The following SRGAP3 variants were observed in gnomAD, a reference collection of about 807,000 sequenced individuals.
The protein encoded by SRGAP3 is SLIT-ROBO Rho GTPase activating protein 3, also known as SLIT-ROBO Rho GTPase-activating protein 3.
SRGAP3 carries 39 observed loss-of-function variants against 121.1 expected under a neutral mutation model. That is an observed-to-expected ratio of 0.32 (90% CI 0.25 to 0.42). The LOEUF (loss-of-function observed/expected upper bound fraction) is 0.42. SRGAP3 is among the 10% of genes least tolerant of loss of function. The pLI, the probability that SRGAP3 is intolerant of heterozygous loss-of-function variation, is 1.00. For missense variants in SRGAP3, 1,213 were observed against 1,470.6 expected, an observed-to-expected ratio of 0.82 and a Z score of 2.86; for synonymous variants, 601 against 570.0, an observed-to-expected ratio of 1.05 and a Z score of -0.77.
chr3:9,143,053 T>C (rs1482549840), intron 1 of SRGAP3, among the ~76,000 whole-genome samples: 1 of 152,014 alleles, frequency 6.6e-6, no homozygotes, highest in East Asian at 1.9e-4. Context: ...TGGCCCAGGC[T>C]GGTCGAGAAC....
chr3:9,360,449 G>T lies in SRGAP3; in HGVS notation n.214+2391C>A, dbSNP rs941118544. On this transcript the variant is annotated intron_variant and non_coding_transcript_variant, in intron 1 of 3. Transcript: ENST00000490889. The stretch of plus-strand genomic sequence containing the variant: ...AGAAAGCATCTGTAGTGGAATTGGT[G>T]AGTAATGTGTTCTATGTTTAATTTT... Among the ~76,000 whole-genome samples, 19 of 152,330 alleles carry T rather than the reference G, an allele frequency of 1.2e-4. No homozygotes were observed. The East Asian group carries it at 1.3e-3, about 11-fold the overall frequency.
At chr3:9,085,752 C>T (rs1477497863) in intron 3 of SRGAP3, among the ~76,000 whole-genome samples, 3 of 152,100 alleles carry the variant, frequency 2.0e-5, no homozygotes, top group Non-Finnish European at 4.4e-5. Flanking sequence ...TAAGTGGGAG[C>T]TAAATAATGA....
At chr3:9,048,458 G>A (rs567552775) in intron 9 of SRGAP3, among the ~76,000 whole-genome samples, 2 of 152,344 alleles carry the variant, frequency 1.3e-5, no homozygotes, top group Non-Finnish European at 2.9e-5. Flanking sequence ...GCTGGGGAGG[G>A]AGACAATAAA....
intron 4 of SRGAP3, among the ~76,000 whole-genome samples, chr3:9,067,831 T>A (rs2125222635): frequency 6.6e-6 from 1 of 152,016 alleles, no homozygotes; most frequent in East Asian, 1.9e-4. Context: ...GTCCATTGAG[T>A]TATTTGGATA....
At chr3:9,121,328 C>A (rs187312271) in intron 2 of SRGAP3, among the ~76,000 whole-genome samples, 12 of 152,168 alleles carry the variant, frequency 7.9e-5, no homozygotes, top group African/African-American at 2.2e-4. Context: ...AGAATCTTTA[C>A]GACGGTGAGA....
At chr3:8,992,533 C>A in intron 20 of SRGAP3, 1 of 397,166 alleles carries the variant, frequency 2.5e-6, no homozygotes, top group Non-Finnish European at 4.7e-6. Context: ...AATATGTGAG[C>A]TTTACATTTT....
chr3:9,191,122 G>C (rs1951740275), intron 1 of SRGAP3, among the ~76,000 whole-genome samples: 1 of 152,166 alleles, frequency 6.6e-6, no homozygotes, highest in African/African-American at 2.4e-5. Flanking sequence ...CAAGTCTCTG[G>C]AGACTGGGAG....
intron 18 of SRGAP3, among the ~76,000 whole-genome samples, chr3:8,996,394 T>C (rs182621836): frequency 9.0e-4 from 137 of 152,314 alleles, no homozygotes; most frequent in Admixed American, 7.8e-3. Flanking sequence ...AAGAAGACCA[T>C]GCTTGTGTCC....
At chr3:9,324,590 G>A (rs1409864821) in intron 3 of SRGAP3, among the ~76,000 whole-genome samples, 1 of 151,800 alleles carries the variant, frequency 6.6e-6, no homozygotes, top group Non-Finnish European at 1.5e-5. Context: ...ATTTTAGTTT[G>A]GTTTCGTTTG....
chr3:9,282,544 G>A (rs1050386415), intron 3 of SRGAP3, among the ~76,000 whole-genome samples: 6 of 152,100 alleles, frequency 3.9e-5, no homozygotes, highest in African/African-American at 1.4e-4. Flanking sequence ...AGGCTGGAGT[G>A]CAGTGGTGAG....
rs750191179 is a variant in SRGAP3 at position 8,992,950 on chromosome 3, G to A, written c.2514C>T (p.Pro838=). ...AGCCGTAATCCGAGATGTGCTCCGT[G>A]GGGGACTGGAGGTCGTTTTTGGAAG... ...KASSKNDLQS[P]TEHISDYGFG... is the part of the protein sequence containing the mutation. Residue 838 remains proline (P), a synonymous_variant, in exon 20 of 22, where the codon CCC becomes CCT. Coordinates refer to ENST00000383836, the MANE Select transcript of SRGAP3 (RefSeq NM_014850.4). The A allele has an allele frequency of 1.4e-5, 22 of 1,614,108 alleles. No homozygotes were observed. Among genetic ancestry groups the A allele is most frequent in the Non-Finnish European group, 1.7e-5 (20 of 1,180,062 alleles).
At chr3:9,165,187 C>T (rs1158287261) in intron 1 of SRGAP3, among the ~76,000 whole-genome samples, 1 of 152,234 alleles carries the variant, frequency 6.6e-6, no homozygotes, top group Non-Finnish European at 1.5e-5. Flanking sequence ...GCCTATCTTC[C>T]TGCCATCTTC....
chr3:9,113,203 G>T (rs916197656), intron 2 of SRGAP3, among the ~76,000 whole-genome samples: 11 of 152,266 alleles, frequency 7.2e-5, no homozygotes, highest in Admixed American at 5.9e-4. Flanking sequence ...TCAGACAACA[G>T]GTATGTGTTG....
At chr3:9,312,510 G>A (rs527931396) in intron 3 of SRGAP3, among the ~76,000 whole-genome samples, 7 of 152,218 alleles carry the variant, frequency 4.6e-5, no homozygotes, top group Non-Finnish European at 8.8e-5. Flanking sequence ...TCTCTGTCTA[G>A]CCACATGCTC....
intron 3 of SRGAP3, among the ~76,000 whole-genome samples, chr3:9,315,479 G>A (rs950455599): frequency 3.3e-5 from 5 of 152,188 alleles, no homozygotes; most frequent in Admixed American, 1.3e-4. Context: ...GAGAGCACGT[G>A]GACTGAGACA....
chr3:9,334,619 A>T (rs866916024), intron 1 of SRGAP3, among the ~76,000 whole-genome samples: 7 of 152,196 alleles, frequency 4.6e-5, no homozygotes, highest in Non-Finnish European at 7.3e-5. Context: ...TATTCTCATA[A>T]ACAAAGACAA....
chr3:9,233,151 T>C (rs751434708), intron 1 of SRGAP3, among the ~76,000 whole-genome samples: 1 of 152,218 alleles, frequency 6.6e-6, no homozygotes, highest in Non-Finnish European at 1.5e-5. Context: ...TTCTGACTTA[T>C]GTTATTTCAA....
rs147085328 is a variant in SRGAP3 at position 8,985,870 on chromosome 3, C to G, written c.2949G>C (p.Thr983=). ...HELRELERQN[T]VKQAPDVVLD... is the part of the protein sequence containing the mutation. ...GCACCACATCTGGCGCCTGCTTGAC[C>G]GTGTTCTGCCTCTCGAGTTCCCGCA... The change falls in exon 22 of 22, where the codon ACG becomes ACC. Residue 983 remains threonine, a synonymous_variant. Transcript: ENST00000383836. The surrounding 1 kb of genome is among the most constrained non-coding windows in gnomAD (Gnocchi z 5.1). 1.9e-6 allele frequency: 3 copies of G among 1,600,046 alleles called. No homozygotes were observed. Among genetic ancestry groups the G allele is most frequent in the Non-Finnish European group, 2.5e-6 (3 of 1,179,922 alleles).
At chr3:9,056,087 G>GGT in intron 8 of SRGAP3, 146 bp downstream of exon 8, 1 of 711,866 alleles carries the variant, frequency 1.4e-6, no homozygotes, top group South Asian at 1.6e-5. Flanking sequence ...AATGATTCTT[G>GGT]GTGTGTGTGG....
Sources: gnomAD v4.1 joint callset for allele counts (sites outside exome capture counted in the v4.1 genomes callset) on GRCh38, gnomAD v4.1.1 for gene constraint, Gnocchi (gnomAD v3.1) non-coding constraint, MANE v1.5 for transcripts, NCBI Gene and HGNC (gene_info 2026-07-23, HGNC 2026-07-21) for gene names.